Variants in TMEM132C observed in about 807,000 individuals in gnomAD.
The protein encoded by TMEM132C is transmembrane protein 132C, also known as protein phosphatase 1, regulatory subunit 152.
Under a neutral mutation model 61.4 loss-of-function variants are expected in TMEM132C, and 29 were observed. The ratio of observed to expected loss-of-function variants is 0.47; its 90% CI spans 0.35 to 0.64. The LOEUF is 0.64. Ranked by LOEUF, TMEM132C falls within the 30% of genes least tolerant of loss-of-function variation. The probability of loss-of-function intolerance (pLI) is 0.00; values close to 1 mark genes in which losing one functional copy is unlikely to be tolerated. For synonymous variants in TMEM132C, 656 were observed against 633.1 expected, an observed-to-expected ratio of 1.04 and a Z score of -0.54; for missense variants, 1,408 against 1,476.9, an observed-to-expected ratio of 0.95 and a Z score of 0.76.
At chr12:128,613,630 T>G (rs1190136986) in intron 3 of TMEM132C, among the ~76,000 whole-genome samples, 1 of 152,218 alleles carries the variant, frequency 6.6e-6, no homozygotes, top group East Asian at 1.9e-4. Context: ...TAGCATCTCA[T>G]AAATCATGAT....
intron 1 of TMEM132C, among the ~76,000 whole-genome samples, chr12:128,282,354 A>C (rs1358606676): frequency 6.6e-6 from 1 of 152,248 alleles, no homozygotes; most frequent in Non-Finnish European, 1.5e-5. Context: ...ATTGACTCAC[A>C]GTTCTGCATG....
intron 1 of TMEM132C, among the ~76,000 whole-genome samples, chr12:128,275,294 A>G (rs1000776682): frequency 1.3e-5 from 2 of 152,150 alleles, no homozygotes; most frequent in South Asian, 2.1e-4. Flanking sequence ...CCCTCACATT[A>G]CTGCCTGAGC....
At chr12:128,500,159 A>G (rs1205530008) in intron 2 of TMEM132C, among the ~76,000 whole-genome samples, 2 of 152,234 alleles carry the variant, frequency 1.3e-5, no homozygotes, top group African/African-American at 4.8e-5. Flanking sequence ...ATCCTCAGGC[A>G]AAACAACCCA....
chr12:128,559,190 C>T (rs1362125891), intron 3 of TMEM132C, among the ~76,000 whole-genome samples: 1 of 151,934 alleles, frequency 6.6e-6, no homozygotes, highest in East Asian at 1.9e-4. Flanking sequence ...CACACACACA[C>T]ACACATTTCC....
At chr12:128,685,017 G>A (rs777881454) in intron 5 of TMEM132C, among the ~76,000 whole-genome samples, 6 of 152,154 alleles carry the variant, frequency 3.9e-5, no homozygotes, top group Non-Finnish European at 8.8e-5. Flanking sequence ...TCAGGTCCTG[G>A]TGAATGTCCT....
chr12:128,553,862 C>A (rs576878486), intron 3 of TMEM132C, among the ~76,000 whole-genome samples: 2 of 152,166 alleles, frequency 1.3e-5, no homozygotes, highest in Non-Finnish European at 2.9e-5. Context: ...AGGGAAGAGG[C>A]AGGGAGCCAG....
rs117842049 is a variant in TMEM132C at position 128,275,756 on chromosome 12, T to C, written c.85+8269T>C. On this transcript the variant is annotated intron_variant, in intron 1 of 8. Coordinates refer to ENST00000435159, the MANE Select transcript of TMEM132C (RefSeq NM_001136103.3). The stretch of plus-strand genomic sequence containing the variant: ...TAATGCAAAAGTGGACTAGAGATAC[T>C]TAGCACGCTTTATGAATTTCCAAGG... 1.8e-3 allele frequency among the ~76,000 whole-genome samples: 277 copies of C among 152,310 alleles called. 6 individuals carry two copies. In the East Asian group the frequency reaches 0.042, roughly 23 times the overall value.
At chr12:128,359,611 T>C (rs1846306372) in intron 1 of TMEM132C, among the ~76,000 whole-genome samples, 1 of 152,216 alleles carries the variant, frequency 6.6e-6, no homozygotes, top group Admixed American at 6.5e-5. Flanking sequence ...CCTGACCCTG[T>C]TCTAAAATCA....
chr12:128,513,210 G>A (rs1872620478), intron 2 of TMEM132C, among the ~76,000 whole-genome samples: 1 of 152,048 alleles, frequency 6.6e-6, no homozygotes, highest in South Asian at 2.1e-4. Flanking sequence ...CACAGGGGAA[G>A]GACTGCTTCG....
At position 128,705,883 on chromosome 12, in the gene TMEM132C, T is replaced by C. The variant is rs1278556423; in HGVS notation, c.2915T>C (p.Val972Ala). 1.3e-6 allele frequency: 2 copies of C among 1,551,340 alleles called. No individual in the cohort carries two copies. Among genetic ancestry groups the C allele is most frequent in the Non-Finnish European group, 1.7e-6 (2 of 1,146,974 alleles). The part of the protein sequence containing the change: ...QASMTHSHDW[V>A]WLGNEAELLE... Reference sequence around the variant, plus strand: ...TCCATGACCCACTCTCACGACTGGGTGTGGCTTGGCAATGAGGCCGAACTC... The same window carrying C: ...TCCATGACCCACTCTCACGACTGGGCGTGGCTTGGCAATGAGGCCGAACTC... Residue 972 changes from valine (V) to alanine (A), a missense_variant, in exon 9 of 9, where the codon GTG (valine) becomes GCG (alanine). Physicochemically the swap from Val to Ala is moderately conservative, Grantham distance 64 (BLOSUM62 0). Transcript: ENST00000435159.
At chr12:128,590,134 G>A (rs1169118116) in intron 3 of TMEM132C, among the ~76,000 whole-genome samples, 2 of 152,214 alleles carry the variant, frequency 1.3e-5, no homozygotes, top group Admixed American at 6.5e-5. Flanking sequence ...CTAGGGCCAG[G>A]ACACTCTGGC....
Position 128,703,234 on chromosome 12 carries a change from T to A in TMEM132C, c.2122-1856T>A, listed in dbSNP as rs532681003. 3.5e-4 allele frequency among the ~76,000 whole-genome samples: 54 copies of A among 152,324 alleles called. No individual in the cohort carries two copies. The South Asian group carries it at 0.011, about 31-fold the overall frequency. ...TCATGGGGGTTGGTTGTACAGATTATTTCATGACCCAGGTATTAAGCCTAG... is the reference window on the plus strand; with the variant it reads ...TCATGGGGGTTGGTTGTACAGATTAATTCATGACCCAGGTATTAAGCCTAG... On this transcript the variant is annotated intron_variant, in intron 8 of 8. Transcript: ENST00000435159.
At chr12:128,495,689 A>C (rs1489833586) in intron 2 of TMEM132C, among the ~76,000 whole-genome samples, 1 of 151,998 alleles carries the variant, frequency 6.6e-6, no homozygotes, top group African/African-American at 2.4e-5. Flanking sequence ...TGCTTGGTAG[A>C]TCTTCCTCCC....
chr12:128,493,856 G>C (rs958792265), intron 2 of TMEM132C, among the ~76,000 whole-genome samples: 1 of 152,092 alleles, frequency 6.6e-6, no homozygotes, highest in Non-Finnish European at 1.5e-5. Flanking sequence ...TCTCCTGCCT[G>C]ATTGCCCTGG....
intron 4 of TMEM132C, among the ~76,000 whole-genome samples, chr12:128,654,269 C>T (rs1177239105): frequency 3.3e-5 from 5 of 152,062 alleles, no homozygotes; most frequent in East Asian, 1.9e-4. Context: ...GAGCGTTCCA[C>T]GGTGGCAGAG....
At chr12:128,446,149 G>A (rs955853491) in intron 2 of TMEM132C, among the ~76,000 whole-genome samples, 1 of 152,176 alleles carries the variant, frequency 6.6e-6, no homozygotes, top group Non-Finnish European at 1.5e-5. Flanking sequence ...TTCAATCAGC[G>A]TGAATGCCGG....
intron 4 of TMEM132C, among the ~76,000 whole-genome samples, chr12:128,627,754 C>T (rs949973812): frequency 6.6e-6 from 1 of 152,198 alleles, no homozygotes; most frequent in Non-Finnish European, 1.5e-5. Flanking sequence ...CTCCCCCCGC[C>T]CTGCAGCTCT....
chr12:128,382,588 A>G (rs182213567), intron 1 of TMEM132C, among the ~76,000 whole-genome samples: 1 of 152,322 alleles, frequency 6.6e-6, no homozygotes, highest in Non-Finnish European at 1.5e-5. Flanking sequence ...TCAAACATCT[A>G]TAAAAAGAGA....
intron 1 of TMEM132C, among the ~76,000 whole-genome samples, chr12:128,310,029 C>A (rs183734017): frequency 0.012 from 1,827 of 152,332 alleles, 41 homozygotes; most frequent in African/African-American, 0.042. Context: ...AGCCACCGCA[C>A]CCAGCCTCTC....
Sources: gnomAD v4.1 joint callset for allele counts (sites outside exome capture counted in the v4.1 genomes callset) on GRCh38, gnomAD v4.1.1 for gene constraint, MANE v1.5 for transcripts, NCBI Gene and HGNC (gene_info 2026-07-23, HGNC 2026-07-21) for gene names.